Variants in TRMT11 observed in about 807,000 individuals in gnomAD.
The protein encoded by TRMT11 is tRNA (guanine(10)-N(2))-methyltransferase TRMT11.
TRMT11 carries 53 observed loss-of-function variants against 62.8 expected under a neutral mutation model. That is an observed-to-expected ratio of 0.84 (90% CI 0.68 to 1.06). The LOEUF is 1.06. Among genes scored for constraint, TRMT11 ranks in the 50% least tolerant of loss-of-function variants. The probability of loss-of-function intolerance (pLI) is 0.00; values close to 1 mark genes in which losing one functional copy is unlikely to be tolerated. For missense variants in TRMT11, 556 were observed against 553.4 expected (o/e 1.00, Z -0.05); for synonymous variants, 188 against 190.3 (o/e 0.99, Z 0.10).
chr6:126,044,753 G>T (rs1408667980), intron 16 of TRMT11, among the ~76,000 whole-genome samples: 2 of 152,120 alleles, frequency 1.3e-5, no homozygotes, highest in African/African-American at 4.8e-5. Context: ...CATGCTTACT[G>T]CCCATTATAA....
At chr6:126,138,768 A>G (rs1019232909) in intron 21 of TRMT11, among the ~76,000 whole-genome samples, 4 of 152,102 alleles carry the variant, frequency 2.6e-5, no homozygotes, top group Non-Finnish European at 5.9e-5. Context: ...AAATTTAGTT[A>G]TAATCTTGAA....
intron 11 of TRMT11, among the ~76,000 whole-genome samples, chr6:126,019,441 T>A (rs1411770601): frequency 6.6e-6 from 1 of 152,168 alleles, no homozygotes; most frequent in African/African-American, 2.4e-5. Flanking sequence ...ATTGATAAAT[T>A]TGCTTTTTGG....
At chr6:126,151,806 T>TTTTTTC (rs1554242198) in intron 21 of TRMT11, among the ~76,000 whole-genome samples, 8 of 86,954 alleles carry the variant, frequency 9.2e-5, no homozygotes, top group Non-Finnish European at 1.8e-4. Flanking sequence ...CCTCTCTGTC[T>TTTTTTC]TTTCTTTCTT....
At chr6:126,018,420 C>T (rs796600751) in intron 11 of TRMT11, among the ~76,000 whole-genome samples, 11 of 151,968 alleles carry the variant, frequency 7.2e-5, no homozygotes, top group African/African-American at 2.7e-4. Context: ...AAATGAGTGA[C>T]AGTCAAAATT....
At chr6:126,055,093 A>G (rs1162564065) in intron 17 of TRMT11, among the ~76,000 whole-genome samples, 1 of 152,084 alleles carries the variant, frequency 6.6e-6, no homozygotes, top group African/African-American at 2.4e-5. Flanking sequence ...ACCTCCTGAG[A>G]AGCTGGGACT....
chr6:126,177,413 T>C (rs1490320219), intron 1 of TRMT11: 1 of 152,192 alleles, frequency 6.6e-6, no homozygotes, highest in African/African-American at 2.4e-5. Flanking sequence ...CCATTTGCTA[T>C]CCCCAACTCT....
At chr6:126,214,017 A>G in the TRMT11 span, among the ~76,000 whole-genome samples, 5 of 151,986 alleles carry the variant, frequency 3.3e-5, no homozygotes, top group African/African-American at 1.2e-4. Context: ...TTTGTCCTTC[A>G]TTCTGTTGAT....
chr6:126,091,334 A>G (rs772431091), intron 17 of TRMT11, among the ~76,000 whole-genome samples: 3 of 152,158 alleles, frequency 2.0e-5, no homozygotes, highest in Non-Finnish European at 2.9e-5. Flanking sequence ...ACGCGTACCA[A>G]TCACCGACTT....
intron 17 of TRMT11, among the ~76,000 whole-genome samples, chr6:126,100,769 CTTTATT>C (rs1322398730): frequency 2.0e-5 from 3 of 152,146 alleles, no homozygotes; most frequent in Non-Finnish European, 4.4e-5. Context: ...TTATTGCACA[CTTTATT>C]TTTATTATTA....
intron 7 of TRMT11, among the ~76,000 whole-genome samples, chr6:126,005,747 A>T (rs1793251458): frequency 6.6e-6 from 1 of 152,004 alleles, no homozygotes; most frequent in Non-Finnish European, 1.5e-5. Context: ...AAAATTATAA[A>T]TGTCAAATTC....
intron 7 of TRMT11, among the ~76,000 whole-genome samples, chr6:126,000,714 C>G (rs1010881024): frequency 2.6e-5 from 4 of 152,180 alleles, no homozygotes; most frequent in Non-Finnish European, 2.9e-5. Flanking sequence ...GTATCAAGGT[C>G]AATAAATTTC....
chr6:126,245,788 T>C, the TRMT11 span, among the ~76,000 whole-genome samples: 1 of 152,220 alleles, frequency 6.6e-6, no homozygotes, highest in East Asian at 1.9e-4. Flanking sequence ...GAAGTTTGAA[T>C]ATACTGTATT....
chr6:126,162,759 C>T (rs1237786289), intron 21 of TRMT11, among the ~76,000 whole-genome samples: 1 of 152,082 alleles, frequency 6.6e-6, no homozygotes, highest in Non-Finnish European at 1.5e-5. Context: ...TTGTAGTATT[C>T]CTTGAAGAGG....
the TRMT11 span, among the ~76,000 whole-genome samples, chr6:126,211,637 A>G: frequency 5.9e-5 from 9 of 151,274 alleles, no homozygotes; most frequent in African/African-American, 2.2e-4. Context: ...TATATTATAT[A>G]TATTTTTTAA....
chr6:126,062,283 C>T (rs1290728842), intron 17 of TRMT11, among the ~76,000 whole-genome samples: 2 of 152,156 alleles, frequency 1.3e-5, no homozygotes, highest in East Asian at 1.9e-4. Flanking sequence ...AAATATAGTT[C>T]ATGTTGTGGA....
At chr6:126,041,749 G>T (rs932461993), downstream of TRMT11, among the ~76,000 whole-genome samples, 1 of 152,148 alleles carries the variant, frequency 6.6e-6, no homozygotes, top group Non-Finnish European at 1.5e-5. Flanking sequence ...ATGGAGGTGA[G>T]TGTTGCCAAG....
the TRMT11 span, among the ~76,000 whole-genome samples, chr6:126,235,533 G>T: frequency 2.0e-5 from 3 of 152,166 alleles, no homozygotes; most frequent in Non-Finnish European, 4.4e-5. Flanking sequence ...ATGCAAAAGA[G>T]ATCATGTCCT....
In TRMT11 at chr6:126,013,181, T is replaced by C. The variant is rs1369072979; in HGVS notation, c.1139+80T>C. 5.3e-6 allele frequency: 7 copies of C among 1,312,440 alleles called. No homozygotes were observed. In the African/African-American group the frequency reaches 1.1e-4, roughly 20 times the overall value. 81.3% of individuals were successfully genotyped at this position (1,312,440 alleles called of 1,614,324 possible). A position where few individuals can be genotyped will look rare whatever the true frequency, so the allele number is the denominator to read the frequency against. ...CTAGTATAATTTTCTCTTTATCTCT[T>C]CTTGCATTTGGTGCATCTTTATATT... On this transcript the variant is annotated intron_variant, in intron 11 of 12. Coordinates refer to ENST00000334379, the MANE Select transcript of TRMT11 (RefSeq NM_001031712.3).
At chr6:126,115,660 T>C (rs1391010821) in intron 20 of TRMT11, among the ~76,000 whole-genome samples, 1 of 152,148 alleles carries the variant, frequency 6.6e-6, no homozygotes, top group African/African-American at 2.4e-5. Flanking sequence ...TTATCACCTG[T>C]GTGGTTATTA....
Sources: gnomAD v4.1 joint callset for allele counts (sites outside exome capture counted in the v4.1 genomes callset) on GRCh38, gnomAD v4.1.1 for gene constraint, MANE v1.5 for transcripts, NCBI Gene and HGNC (gene_info 2026-07-23, HGNC 2026-07-21) for gene names.